The following SLC7A9 variants were observed in gnomAD, a reference collection of about 807,000 sequenced individuals.
SLC7A9 encodes B(0,+)-type amino acid transporter 1.
Under a neutral mutation model 54.1 loss-of-function variants are expected in SLC7A9, and 38 were observed. That is an observed-to-expected ratio of 0.70 (90% CI 0.54 to 0.92). The LOEUF (loss-of-function observed/expected upper bound fraction) is 0.92, where lower values mean the gene tolerates loss of function less well. Ranked by LOEUF, SLC7A9 falls within the 40% of genes least tolerant of loss-of-function variation. The pLI, the probability that SLC7A9 is intolerant of heterozygous loss-of-function variation, is 0.00. For missense variants in SLC7A9, 537 were observed against 636.1 expected, an observed-to-expected ratio of 0.84 and a Z score of 1.68; for synonymous variants, 264 against 258.9, an observed-to-expected ratio of 1.02 and a Z score of -0.19.
chr19:32,862,435 G>A (rs778600063), intron 5 of SLC7A9, 26 bp downstream of exon 5: 1 of 1,612,198 alleles, frequency 6.2e-7, no homozygotes, highest in South Asian at 1.1e-5. Context: ...GTGTGCCCGT[G>A]CAGGGCCCAC....
chr19:32,839,945 C>T (rs1968083097), intron 11 of SLC7A9, among the ~76,000 whole-genome samples: 1 of 151,960 alleles, frequency 6.6e-6, no homozygotes, highest in Non-Finnish European at 1.5e-5. Flanking sequence ...TCCATTTTTC[C>T]TCCCACCCCA....
intron 5 of SLC7A9, 119 bp from the exon 6 acceptor site, chr19:32,862,336 G>T: frequency 1.4e-6 from 2 of 1,476,080 alleles, no homozygotes; most frequent in Non-Finnish European, 1.9e-6. Flanking sequence ...TGAAACTAAG[G>T]ATCCCTCCCA....
chr19:32,833,281 A>G lies in SLC7A9; in HGVS notation c.1267T>C (p.Phe423Leu). The G allele has an allele frequency of 6.2e-7, 1 of 1,614,118 alleles. No individual in the cohort carries two copies. The part of the protein sequence containing the change: ...IPVLMTLISV[F>L]LVLAPIISKP... ...CTGATGATTGGAGCCAGAACCAAAA[A>G]CACAGAGATGAGTGTCATCAAGACG... is the stretch of plus-strand genomic sequence containing the variant. Residue 423 changes from phenylalanine (F) to leucine (L), a missense_variant, in exon 12 of 13, where the codon TTT (phenylalanine) becomes CTT (leucine). By Grantham distance (22) the Phe-to-Leu change is conservative. Transcript: ENST00000023064.
At chr19:32,866,148 G>C (rs1968964575) in intron 2 of SLC7A9, among the ~76,000 whole-genome samples, 1 of 152,166 alleles carries the variant, frequency 6.6e-6, no homozygotes, top group Non-Finnish European at 1.5e-5. Context: ...CTTGGAGTCA[G>C]ATCGCAGGGG....
intron 8 of SLC7A9, among the ~76,000 whole-genome samples, chr19:32,858,996 C>T (rs1309833561): frequency 3.9e-5 from 6 of 151,972 alleles, no homozygotes; most frequent in African/African-American, 1.5e-4. Flanking sequence ...ACCACGTTGG[C>T]CAGGCTGGTC....
intron 12 of SLC7A9, chr19:32,831,280 T>A (rs1036559704): frequency 6.5e-6 from 1 of 153,696 alleles, no homozygotes; most frequent in African/African-American, 2.4e-5. Flanking sequence ...GAATGTAATA[T>A]AGACTTTTTG....
At chr19:32,862,076 C>A in intron 6 of SLC7A9, 42 bp downstream of exon 6, 1 of 1,364,086 alleles carries the variant, frequency 7.3e-7, no homozygotes, top group Non-Finnish European at 1.0e-6. Flanking sequence ...ACCTGGAGAA[C>A]CCCACCCACC....
At chr19:32,840,730 A>T (rs1165264464) in intron 11 of SLC7A9, among the ~76,000 whole-genome samples, 2 of 151,662 alleles carry the variant, frequency 1.3e-5, no homozygotes, top group Non-Finnish European at 2.9e-5. Flanking sequence ...AGTTTCTGGG[A>T]TCCTCAAGGG....
chr19:32,842,992 G>A (rs941575397), intron 10 of SLC7A9, among the ~76,000 whole-genome samples: 2 of 152,040 alleles, frequency 1.3e-5, no homozygotes, highest in African/African-American at 4.8e-5. Flanking sequence ...GCCCTGGACT[G>A]GTATTTCCTG....
Position 32,842,307 on chromosome 19 carries a change from G to A in SLC7A9, c.1085C>T (p.Ala362Val), listed in dbSNP as rs1968150430. 1 of 1,613,476 alleles carries A rather than the reference G, an allele frequency of 6.2e-7. No individual in the cohort carries two copies. The highest frequency in any genetic ancestry group is 1.1e-5 in the South Asian group (1 of 91,074). ...APAIIFYGII[A>V]TIYIIPGDIN... ...GTCACCAGGGATGATATAAATCGTT[G>A]CTATGATACCCTAATAGAAAGAAGA... The change falls in exon 11 of 13, where the codon GCA (alanine) becomes GTA (valine). Residue 362 changes from alanine (A) to valine (V), a missense_variant. Physicochemically the swap from Ala to Val is moderately conservative, Grantham distance 64 (BLOSUM62 0). Coordinates refer to ENST00000023064, the MANE Select transcript of SLC7A9 (RefSeq NM_014270.5).
In SLC7A9 at chr19:32,864,256, G is replaced by A. The variant is rs1229066907; in HGVS notation, c.318C>T (p.Pro106=). 2.5e-6 allele frequency: 4 copies of A among 1,614,038 alleles called. No homozygotes were observed. Among genetic ancestry groups the A allele is most frequent in the African/African-American group, 2.7e-5 (2 of 74,932 alleles). The part of the protein sequence containing the change: ...EYPYLMEAYG[P]IPAYLFSWAS... ...CCCAGGAGAAGAGGTAGGCGGGGAT[G>A]GGCCCGTAGGCCTCCATCAGGTAGG... Residue 106 remains proline (P), a synonymous_variant, in exon 4 of 13, where the codon CCC becomes CCT. Transcript: ENST00000023064.
intron 4 of SLC7A9, among the ~76,000 whole-genome samples, chr19:32,863,418 C>T (rs1968865380): frequency 6.6e-6 from 1 of 152,190 alleles, no homozygotes; most frequent in South Asian, 2.1e-4. Context: ...TGGGCCACTG[C>T]ACCTAGCCTC....
chr19:32,839,252 T>TC (rs1305706385), intron 11 of SLC7A9, among the ~76,000 whole-genome samples: 1 of 152,124 alleles, frequency 6.6e-6, no homozygotes, highest in Non-Finnish European at 1.5e-5. Flanking sequence ...TCTGGGTGAT[T>TC]CCTCAAGGTC....
intron 9 of SLC7A9, among the ~76,000 whole-genome samples, chr19:32,846,617 G>A (rs1040090118): frequency 1.1e-4 from 16 of 152,348 alleles, no homozygotes; most frequent in African/African-American, 3.8e-4. Context: ...CAAAAAGACA[G>A]CAGTAACCTC....
chr19:32,833,939 T>C (rs1967881857), intron 11 of SLC7A9, among the ~76,000 whole-genome samples: 2 of 152,230 alleles, frequency 1.3e-5, no homozygotes, highest in African/African-American at 2.4e-5. Context: ...AAATGCTATA[T>C]GAAGTACTTC....
intron 9 of SLC7A9, among the ~76,000 whole-genome samples, 155 bp from the exon 10 acceptor site, chr19:32,844,106 C>A (rs757466777): frequency 1.6e-4 from 24 of 152,002 alleles, no homozygotes; most frequent in Non-Finnish European, 2.9e-4. Context: ...GGTCTGTCTT[C>A]GGGAGACGAG....
intron 11 of SLC7A9, 83 bp downstream of exon 11, chr19:32,842,085 G>C (rs1968142625): frequency 7.5e-7 from 1 of 1,327,120 alleles, no homozygotes; most frequent in Non-Finnish European, 1.1e-6. Flanking sequence ...GAACTAGAAG[G>C]CATGCCCCTA....
At chr19:32,861,565 A>G (rs1402106224) in intron 6 of SLC7A9, among the ~76,000 whole-genome samples, 1 of 152,168 alleles carries the variant, frequency 6.6e-6, no homozygotes, top group Admixed American at 6.5e-5. Context: ...TAAACCCAGC[A>G]CTTTGGGAGG....
At chr19:32,843,180 A>C (rs1968178153) in intron 10 of SLC7A9, among the ~76,000 whole-genome samples, 1 of 152,130 alleles carries the variant, frequency 6.6e-6, no homozygotes, top group East Asian at 1.9e-4. Context: ...AGGGGTGGCC[A>C]GGCACGGTGG....
Sources: allele counts gnomAD v4.1 joint callset (sites outside exome capture counted in the v4.1 genomes callset), GRCh38; gene constraint gnomAD v4.1.1; transcripts MANE v1.5; gene names NCBI Gene and HGNC (gene_info 2026-07-23, HGNC 2026-07-21).